The following PAK1IP1 variants were observed in gnomAD, a reference collection of about 807,000 sequenced individuals.
PAK1IP1 encodes p21-activated protein kinase-interacting protein 1.
PAK1IP1 carries 24 observed loss-of-function variants against 42.0 expected under a neutral mutation model. That is an observed-to-expected ratio of 0.57 (90% CI 0.41 to 0.80). PAK1IP1 has a LOEUF of 0.80. Ranked by LOEUF, PAK1IP1 falls within the 30% of genes least tolerant of loss-of-function variation. PAK1IP1 has a pLI of 0.00. For missense variants in PAK1IP1, 411 were observed against 467.9 expected, an observed-to-expected ratio of 0.88 and a Z score of 1.12; for synonymous variants, 154 against 156.7, an observed-to-expected ratio of 0.98 and a Z score of 0.13.
intron 2 of PAK1IP1, among the ~76,000 whole-genome samples, chr6:10,699,601 T>G (rs1769965240): frequency 2.0e-5 from 3 of 152,162 alleles, no homozygotes. Flanking sequence ...TTTTATGCTG[T>G]TTTTGTTGCA....
At chr6:10,698,502 G>T (rs1336734953) in intron 2 of PAK1IP1, among the ~76,000 whole-genome samples, 5 of 152,294 alleles carry the variant, frequency 3.3e-5, no homozygotes, top group Admixed American at 3.3e-4. Flanking sequence ...AAGCAGTTCC[G>T]GATTATGAGA....
intron 2 of PAK1IP1, among the ~76,000 whole-genome samples, chr6:10,701,257 A>T (rs1372257102): frequency 1.3e-5 from 2 of 152,030 alleles, no homozygotes; most frequent in African/African-American, 4.8e-5. Context: ...TTGTATTTTC[A>T]GTAGAGACGG....
chr6:10,703,329 T>A, intron 4 of PAK1IP1, 76 bp from the exon 5 acceptor site: 1 of 1,054,916 alleles, frequency 9.5e-7, no homozygotes, highest in Non-Finnish European at 1.4e-6. Flanking sequence ...CACTTAAGTC[T>A]TCATTATGCT....
At position 10,709,285 on chromosome 6, in the gene PAK1IP1, G is replaced by A. The variant is rs757989245; in HGVS notation, c.1012G>A (p.Val338Met). Reference sequence around the variant, plus strand: ...TGGCAAAAAGGAGCCTGGTGACACAGTGCACAAAGAAGAAAAGCGGTCAAA... The same window carrying A: ...TGGCAAAAAGGAGCCTGGTGACACAATGCACAAAGAAGAAAAGCGGTCAAA... Reference protein sequence around the residue: ...KIGKKEPGDTVHKEEKRSKPN... With the variant: ...KIGKKEPGDTMHKEEKRSKPN... The change falls in exon 10 of 10, where the codon GTG becomes ATG. Residue 338 changes from valine to methionine, a missense_variant. Coordinates refer to ENST00000379568, the MANE Select transcript of PAK1IP1 (RefSeq NM_017906.3). 59 of 1,614,010 alleles carry A rather than the reference G, an allele frequency of 3.7e-5. 1 individual carries two copies. In the East Asian group the frequency reaches 1.3e-3, roughly 35 times the overall value.
intron 2 of PAK1IP1, among the ~76,000 whole-genome samples, chr6:10,701,669 G>T (rs922336225): frequency 3.3e-5 from 5 of 152,188 alleles, no homozygotes; most frequent in East Asian, 1.9e-4. Context: ...GGCTGATTGG[G>T]TAGCTAATTC....
chr6:10,700,708 A>C (rs1770001205), intron 2 of PAK1IP1, among the ~76,000 whole-genome samples: 2 of 152,238 alleles, frequency 1.3e-5, no homozygotes, highest in Admixed American at 6.5e-5. Context: ...ACAAGTGTTC[A>C]ACAATAAGAA....
At chr6:10,693,456 G>A (rs1769535775), upstream of PAK1IP1, among the ~76,000 whole-genome samples, 1 of 152,174 alleles carries the variant, frequency 6.6e-6, no homozygotes, top group East Asian at 1.9e-4. Flanking sequence ...AATCATTTCT[G>A]CAAGACCCAA....
intron 2 of PAK1IP1, among the ~76,000 whole-genome samples, chr6:10,702,158 T>A (rs1410462615): frequency 6.6e-6 from 1 of 151,634 alleles, no homozygotes; most frequent in African/African-American, 2.4e-5. Flanking sequence ...GAAGATTGCT[T>A]GAACCCAGGA....
chr6:10,708,688 C>G (rs375582910), intron 8 of PAK1IP1, among the ~76,000 whole-genome samples: 2 of 151,994 alleles, frequency 1.3e-5, no homozygotes, highest in Non-Finnish European at 2.9e-5. Flanking sequence ...CCCTGCCCCC[C>G]ACCCCACAAC....
chr6:10,694,547 CCTACTAGTACA>C (rs1769689071), upstream of PAK1IP1: 1 of 158,888 alleles, frequency 6.3e-6, no homozygotes, highest in Non-Finnish European at 1.4e-5. Flanking sequence ...AAACTCCTAC[CCTACTAGTACA>C]CAGCCCACAA....
intron 1 of PAK1IP1, among the ~76,000 whole-genome samples, 189 bp downstream of exon 1, chr6:10,695,258 A>G (rs7742220): frequency 0.081 from 12,307 of 152,164 alleles, 1,464 homozygotes; most frequent in African/African-American, 0.26. Flanking sequence ...AAATGAGGCA[A>G]TATCTGCCTT....
upstream of PAK1IP1, chr6:10,694,590 C>A (rs1769701366): frequency 5.2e-5 from 9 of 172,400 alleles, no homozygotes; most frequent in South Asian, 6.8e-4. Context: ...GCCGGCGCTA[C>A]AGCCCCTAAG....
intron 1 of PAK1IP1, among the ~76,000 whole-genome samples, chr6:10,696,709 G>A (rs1289192454): frequency 3.3e-5 from 5 of 152,210 alleles, no homozygotes; most frequent in East Asian, 1.9e-4. Context: ...TTGGGAGGGC[G>A]AGGCAGGTGG....
chr6:10,697,518 A>T, intron 2 of PAK1IP1, 32 bp downstream of exon 2: 1 of 1,496,602 alleles, frequency 6.7e-7, no homozygotes, highest in South Asian at 1.2e-5. Context: ...AGATGAGAAC[A>T]TAGAGGTTTT....
chr6:10,702,213 C>T (rs145686089), intron 2 of PAK1IP1, among the ~76,000 whole-genome samples, 156 bp from the exon 3 acceptor site: 1 of 149,594 alleles, frequency 6.7e-6, no homozygotes, highest in East Asian at 1.9e-4. Context: ...GCACTTCAGC[C>T]TGGGTAACAA....
chr6:10,704,707 T>A (rs1317743547), intron 6 of PAK1IP1, 40 bp from the exon 7 acceptor site: 2 of 1,599,128 alleles, frequency 1.3e-6, no homozygotes. Context: ...GAACTGTTGA[T>A]GACATTCTGG....
intron 7 of PAK1IP1, among the ~76,000 whole-genome samples, chr6:10,706,361 T>C (rs1287523427): frequency 1.3e-5 from 2 of 151,962 alleles, no homozygotes; most frequent in African/African-American, 2.4e-5. Context: ...AGCCAATCGG[T>C]GCCTGTAATC....
At chr6:10,706,342 G>A (rs143257619) in intron 7 of PAK1IP1, among the ~76,000 whole-genome samples, 7 of 152,118 alleles carry the variant, frequency 4.6e-5, no homozygotes, top group African/African-American at 1.7e-4. Context: ...GCAAGGAGAA[G>A]ACGGTGGAAG....
chr6:10,703,573 C>G, intron 5 of PAK1IP1, 116 bp downstream of exon 5: 1 of 659,284 alleles, frequency 1.5e-6, no homozygotes, highest in Non-Finnish European at 2.7e-6. Context: ...AAATTCAACA[C>G]CTTACCTCAT....
Sources: gnomAD v4.1 joint callset for allele counts (sites outside exome capture counted in the v4.1 genomes callset) on GRCh38, gnomAD v4.1.1 for gene constraint, MANE v1.5 for transcripts, NCBI Gene and HGNC (gene_info 2026-07-23, HGNC 2026-07-21) for gene names.